The following GOLM1 variants were observed in gnomAD, a reference collection of about 807,000 sequenced individuals.
GOLM1 encodes the protein epididymis luminal protein 46.
GOLM1 carries 31 observed loss-of-function variants against 50.5 expected under a neutral mutation model. The observed-to-expected ratio is 0.61, with a 90% CI of 0.46 to 0.83. GOLM1 has a LOEUF of 0.83. Among genes scored for constraint, GOLM1 ranks in the 40% least tolerant of loss-of-function variants. The pLI is 0.00. For synonymous variants in GOLM1, 178 were observed against 192.8 expected (o/e 0.92, Z 0.64); for missense variants, 491 against 501.3 (o/e 0.98, Z 0.20).
rs774239440 is a variant in GOLM1, at chr9:86,046,532, C to G, written c.405G>C (p.Gln135His). The stretch of plus-strand genomic sequence containing the variant: ...TCTTCTGAAACTGGAGGACATCCTG[C>G]TGCAGCCTGCCGTAATTCCTCTGCA... The part of the protein sequence containing the change: ...KTLQRNYGRL[Q>H]QDVLQFQKNQ... The change falls in exon 5 of 10, where the codon CAG becomes CAC. Residue 135 changes from glutamine (Q) to histidine (H), a missense_variant. Transcript: ENST00000388712. 2 of 1,613,442 alleles carry G rather than the reference C, an allele frequency of 1.2e-6. No individual in the cohort carries two copies. Among genetic ancestry groups the G allele is most frequent in the Non-Finnish European group, 1.7e-6 (2 of 1,179,472 alleles).
chr9:86,038,289 G>C (rs930940983), intron 6 of GOLM1, among the ~76,000 whole-genome samples: 3 of 152,186 alleles, frequency 2.0e-5, no homozygotes, highest in African/African-American at 4.8e-5. Context: ...GTGAACATCA[G>C]AGAAAAATCG....
intron 4 of GOLM1, among the ~76,000 whole-genome samples, chr9:86,047,829 A>G (rs977916871): frequency 3.3e-5 from 5 of 152,188 alleles, no homozygotes; most frequent in African/African-American, 1.2e-4. Context: ...AAGGCAGGCA[A>G]AAAATGATAA....
intron 3 of GOLM1, among the ~76,000 whole-genome samples, chr9:86,061,526 G>A (rs958029497): frequency 2.0e-5 from 3 of 152,160 alleles, no homozygotes; most frequent in Admixed American, 2.0e-4. Flanking sequence ...AGAGAAAGAG[G>A]GCAGCAGAGG....
At chr9:86,089,189 C>A (rs1201675930) in intron 1 of GOLM1, among the ~76,000 whole-genome samples, 1 of 152,174 alleles carries the variant, frequency 6.6e-6, no homozygotes, top group Admixed American at 6.5e-5. Context: ...CTGCCCTTAA[C>A]ATTTTTTCCT....
At position 86,026,706 on chromosome 9, in the gene GOLM1, C is replaced by CTCAAG. The variant is rs1564336943; in HGVS notation, c.*1106_*1110dup. 1 of 982,608 alleles carries CTCAAG rather than the reference C, an allele frequency of 1.0e-6. No homozygotes were observed. Among genetic ancestry groups the CTCAAG allele is most frequent in the Non-Finnish European group, 1.2e-6 (1 of 827,424 alleles). 60.9% of individuals were successfully genotyped at this position (982,608 alleles called of 1,614,324 possible). On this transcript the variant is annotated 3_prime_UTR_variant, in exon 10 of 10. Coordinates refer to ENST00000388712, the MANE Select transcript of GOLM1 (RefSeq NM_016548.4). ...TACCATAAATAATACTAAGAACCAACTCAAGTCAAACCTTAATGCCATTGT... is the reference window on the plus strand; with the variant it reads ...TACCATAAATAATACTAAGAACCAACTCAAGTCAAGTCAAACCTTAATGCCATTGT...
intron 6 of GOLM1, among the ~76,000 whole-genome samples, chr9:86,039,873 C>G (rs1833277553): frequency 6.6e-6 from 1 of 151,270 alleles, no homozygotes; most frequent in Non-Finnish European, 1.5e-5. Context: ...GAGGCTGAGG[C>G]AGGAGAATCG....
chr9:86,079,941 T>G (rs1834738608), intron 1 of GOLM1: 1 of 108,898 alleles, frequency 9.2e-6, no homozygotes, highest in Admixed American at 8.4e-5. Flanking sequence ...GAGGTGAATG[T>G]GAACTCCCCC....
At chr9:86,066,831 G>A (rs951896089) in intron 3 of GOLM1, among the ~76,000 whole-genome samples, 1 of 152,170 alleles carries the variant, frequency 6.6e-6, no homozygotes, top group African/African-American at 2.4e-5. Context: ...TCAGAGGGCA[G>A]GTGATGCCAC....
intron 4 of GOLM1, among the ~76,000 whole-genome samples, chr9:86,050,294 C>A (rs987230163): frequency 6.6e-6 from 1 of 152,020 alleles, no homozygotes; most frequent in African/African-American, 2.4e-5. Context: ...ATTTTTGCAT[C>A]GATGTTCATC....
chr9:86,038,149 C>G (rs1833209528), intron 6 of GOLM1, among the ~76,000 whole-genome samples: 1 of 142,892 alleles, frequency 7.0e-6, no homozygotes, highest in Non-Finnish European at 1.5e-5. Context: ...AGCAAAACTC[C>G]AACACCAAAA....
At position 86,048,822 on chromosome 9, in the gene GOLM1, G is replaced by T. The variant is rs1833643837; in HGVS notation, c.365-2250C>A. On this transcript the variant is annotated intron_variant, in intron 4 of 9. Coordinates refer to ENST00000388712, the MANE Select transcript of GOLM1 (RefSeq NM_016548.4). ...TTCAAAAATTTTCTCCCATTCTGTA[G>T]CTTGCCTGTTCACTCTGATGGTAGT... Among the ~76,000 whole-genome samples the T allele has an allele frequency of 2.0e-5, 3 of 152,098 alleles. No individual in the cohort carries two copies. The South Asian group carries it at 6.2e-4, about 32-fold the overall frequency.
At position 86,026,637 on chromosome 9, in the gene GOLM1, CATT is replaced by C. The variant is rs2118585393; in HGVS notation, c.*1177_*1179del. 1.0e-6 allele frequency: 1 copy of C among 984,826 alleles called. No individual in the cohort carries two copies. Among genetic ancestry groups the C allele is most frequent in the Non-Finnish European group, 1.2e-6 (1 of 829,476 alleles). 61.0% of individuals were successfully genotyped at this position (984,826 alleles called of 1,614,324 possible). ...TAGAGAGCCTTACTGGGAAGTCAGT[CATT>C]AATGATGTGGCCAGTTATTTGCAAG... On this transcript the variant is annotated 3_prime_UTR_variant, in exon 10 of 10. Coordinates refer to ENST00000388712, the MANE Select transcript of GOLM1 (RefSeq NM_016548.4).
Position 86,046,577 on chromosome 9 carries a change from A to T in GOLM1, c.365-5T>A, listed in dbSNP as rs747260980. 4.4e-6 allele frequency: 7 copies of T among 1,579,298 alleles called. No homozygotes were observed. In the Middle Eastern group the frequency reaches 8.3e-4, roughly 188 times the overall value. On this transcript the variant is annotated splice_region_variant and splice_polypyrimidine_tract_variant and intron_variant, in intron 4 of 9. Transcript: ENST00000388712. Reference sequence around the variant, plus strand: ...TCTGCAGGGTCTTTAACTGGTCTACACCAAGGGGACAAGGAATTGCACAGG... The same window carrying T: ...TCTGCAGGGTCTTTAACTGGTCTACTCCAAGGGGACAAGGAATTGCACAGG...
At position 86,077,454 on chromosome 9, in the gene GOLM1, G is replaced by A; in HGVS notation, c.267C>T (p.Asn89=). 6.2e-7 allele frequency: 1 copy of A among 1,614,164 alleles called. No individual in the cohort carries two copies. The highest frequency in any genetic ancestry group is 2.2e-5 in the East Asian group (1 of 44,888). Residue 89 remains asparagine, a synonymous_variant, in exon 3 of 10, where the codon AAC becomes AAT. Transcript: ENST00000388712. ...GCTTGTTGACGCTCTCCAGCTGGAAGTTGTGGCTGGACTGGATTTTGTCAA... is the reference window on the plus strand; with the variant it reads ...GCTTGTTGACGCTCTCCAGCTGGAAATTGTGGCTGGACTGGATTTTGTCAA... ...EQLDKIQSSH[N]FQLESVNKLY... is the part of the protein sequence containing the mutation.
chr9:86,055,600 T>C (rs1050131664), intron 3 of GOLM1, among the ~76,000 whole-genome samples: 8 of 152,190 alleles, frequency 5.3e-5, no homozygotes, highest in Admixed American at 6.5e-5. Flanking sequence ...TGAAATATTA[T>C]GCTACCTTTA....
chr9:86,073,595 C>T (rs1440543640), intron 3 of GOLM1, among the ~76,000 whole-genome samples: 7 of 152,116 alleles, frequency 4.6e-5, no homozygotes, highest in Non-Finnish European at 8.8e-5. Context: ...CCACACTGCT[C>T]CCGAACCTTA....
In GOLM1 at chr9:86,027,257, T is replaced by A; in HGVS notation, c.*560A>T. 6.1e-6 allele frequency: 6 copies of A among 985,568 alleles called. No homozygotes were observed. Among genetic ancestry groups the A allele is most frequent in the Non-Finnish European group, 7.2e-6 (6 of 830,002 alleles). 61.1% of individuals were successfully genotyped at this position (985,568 alleles called of 1,614,324 possible). A position where few individuals can be genotyped will look rare whatever the true frequency, so the allele number is the denominator to read the frequency against. ...GCTTTGTATTTAGACTTAAAGCTGTTGCTACTTTGCTAGTGACGTTTGTGT... is the reference window on the plus strand; with the variant it reads ...GCTTTGTATTTAGACTTAAAGCTGTAGCTACTTTGCTAGTGACGTTTGTGT... On this transcript the variant is annotated 3_prime_UTR_variant, in exon 10 of 10. Transcript: ENST00000388712.
intron 5 of GOLM1, among the ~76,000 whole-genome samples, chr9:86,044,200 A>C (rs895024981): frequency 1.3e-5 from 2 of 152,210 alleles, no homozygotes; most frequent in Non-Finnish European, 2.9e-5. Flanking sequence ...ACATTGCCAA[A>C]GGCCTACTGG....
chr9:86,052,724 C>T, intron 3 of GOLM1, 133 bp from the exon 4 acceptor site: 1 of 699,302 alleles, frequency 1.4e-6, no homozygotes, highest in Non-Finnish European at 2.6e-6. Flanking sequence ...GCACTCAGCG[C>T]TCAGGCTGGG....
Sources: gnomAD v4.1 joint callset for allele counts (sites outside exome capture counted in the v4.1 genomes callset) on GRCh38, gnomAD v4.1.1 for gene constraint, MANE v1.5 for transcripts, NCBI Gene and HGNC (gene_info 2026-07-23, HGNC 2026-07-21) for gene names.